The following DNAJC17 variants were observed in gnomAD, a reference collection of about 807,000 sequenced individuals.
The protein encoded by DNAJC17 is dnaJ homolog subfamily C member 17.
In DNAJC17, 35 loss-of-function variants were observed where a neutral mutation model predicts 48.1. The observed-to-expected ratio is 0.73, with a 90% CI of 0.56 to 0.96. The LOEUF is 0.96. DNAJC17 is among the 50% of genes least tolerant of loss of function. The pLI is 0.00. For missense variants in DNAJC17, 355 were observed against 377.1 expected (o/e 0.94, Z 0.48); for synonymous variants, 117 against 142.7 (o/e 0.82, Z 1.28).
At chr15:40,785,353 T>C (rs1376709405) in intron 1 of DNAJC17, among the ~76,000 whole-genome samples, 1 of 152,180 alleles carries the variant, frequency 6.6e-6, no homozygotes, top group African/African-American at 2.4e-5. Context: ...GGCAGCATGG[T>C]TCACTAAAAG....
In DNAJC17 at chr15:40,775,542, C is replaced by T. The variant is rs752359353; in HGVS notation, c.522+11G>A. The T allele has an allele frequency of 1.9e-6, 3 of 1,613,622 alleles. No individual in the cohort carries two copies. The highest frequency in any genetic ancestry group is 4.5e-5 in the East Asian group (2 of 44,886). On this transcript the variant is annotated intron_variant, in intron 7 of 10. Transcript: ENST00000220496. ...AGTGTGAGGTGGCCCACAGATCCTG[C>T]CCAGGCTCACCTTTAGTTTGGGGGT...
intron 1 of DNAJC17, among the ~76,000 whole-genome samples, chr15:40,802,168 ATTTT>A (rs759016627): frequency 7.5e-6 from 1 of 133,998 alleles, no homozygotes; most frequent in Non-Finnish European, 1.6e-5. Context: ...AAAGAGTTCA[ATTTT>A]TTTTTTTTTT....
rs767218189 is a variant in DNAJC17, at chr15:40,770,803, C to G, written c.793-2741G>C. ...ATCCTGGAGCCCCCACCTGCCTACA[C>G]AGCAGCCTACTCTGCCACCCTGCCA... On this transcript the variant is annotated intron_variant, in intron 10 of 10. Coordinates refer to ENST00000220496, the MANE Select transcript of DNAJC17 (RefSeq NM_018163.3). This position sits in a 1 kb window ranked among gnomAD's most constrained non-coding sequence, Gnocchi z 5.0. 7 of 1,549,942 alleles carry G rather than the reference C, an allele frequency of 4.5e-6. No individual in the cohort carries two copies. In the Admixed American group the frequency reaches 1.4e-4, roughly 30 times the overall value.
intron 1 of DNAJC17, among the ~76,000 whole-genome samples, chr15:40,781,811 A>C (rs1359172638): frequency 2.6e-5 from 4 of 151,706 alleles, no homozygotes; most frequent in Non-Finnish European, 5.9e-5. Flanking sequence ...AGTCCCAGCT[A>C]CTCGAGAGGC....
rs1352309156 is a variant in DNAJC17, at chr15:40,806,212, T to A, written c.78+1157A>T. On this transcript the variant is annotated intron_variant, in intron 1 of 10. Coordinates refer to ENST00000220496, the MANE Select transcript of DNAJC17 (RefSeq NM_018163.3). ...TACTGGGACATTAGTGGGCACTATT[T>A]TTTTTTCCTTTTTTTTTTTTTTTTT... is the stretch of plus-strand genomic sequence containing the variant. Among the ~76,000 whole-genome samples, 4 of 143,782 alleles carry A rather than the reference T, an allele frequency of 2.8e-5. No individual in the cohort carries two copies. The Admixed American group carries it at 2.8e-4, about 10-fold the overall frequency. The allele number at this position is 143,782 out of a possible 152,430, so 94.3% of individuals were successfully genotyped here.
Position 40,765,709 on chromosome 15 carries a change from T to A in DNAJC17, c.*2231A>T, listed in dbSNP as rs1208243221. 37 of 469,084 alleles carry A rather than the reference T, an allele frequency of 7.9e-5. No homozygotes were observed. Among genetic ancestry groups the A allele is most frequent in the Non-Finnish European group, 1.6e-5 (4 of 257,230 alleles). 29.1% of individuals were successfully genotyped at this position (469,084 alleles called of 1,614,324 possible). A position where few individuals can be genotyped will look rare whatever the true frequency, so the allele number is the denominator to read the frequency against. ...CTCAGCCCCTAAGAATCCTTGCTAC[T>A]CTCTGTAGCCTTTACCTGAACCTTA... On this transcript the variant is annotated 3_prime_UTR_variant, in exon 11 of 11. Coordinates refer to ENST00000220496, the MANE Select transcript of DNAJC17 (RefSeq NM_018163.3).
At chr15:40,775,621 A>C in intron 6 of DNAJC17, 25 bp from the exon 7 acceptor site, 1 of 1,610,800 alleles carries the variant, frequency 6.2e-7, no homozygotes, top group Non-Finnish European at 8.5e-7. Context: ...AAAAGAAGAA[A>C]AGTAGAATAT....
chr15:40,794,547 C>T (rs887317920), intron 1 of DNAJC17, among the ~76,000 whole-genome samples: 1 of 152,038 alleles, frequency 6.6e-6, no homozygotes, highest in African/African-American at 2.4e-5. Flanking sequence ...TGGTGCACAC[C>T]TGTAAGCCGA....
At chr15:40,786,762 C>A (rs1433679226) in intron 1 of DNAJC17, among the ~76,000 whole-genome samples, 1 of 152,174 alleles carries the variant, frequency 6.6e-6, no homozygotes, top group Non-Finnish European at 1.5e-5. Context: ...TTTCTAAGGC[C>A]CAGCCTCAGA....
At chr15:40,790,518 G>T (rs1044016202) in intron 1 of DNAJC17, among the ~76,000 whole-genome samples, 3 of 152,170 alleles carry the variant, frequency 2.0e-5, no homozygotes, top group African/African-American at 7.2e-5. Context: ...GGCGGAGGTT[G>T]CAGTGAGCCA....
chr15:40,792,400 T>C (rs910415804), intron 1 of DNAJC17: 12 of 940,652 alleles, frequency 1.3e-5, no homozygotes, highest in Middle Eastern at 5.4e-4. Flanking sequence ...GCTTTGAGTC[T>C]TGAAAAACAA....
chr15:40,776,685 G>A lies in DNAJC17; in HGVS notation c.296-58C>T, dbSNP rs370968523. On this transcript the variant is annotated intron_variant, in intron 4 of 10. Transcript: ENST00000220496. ...GTCTGTTCAGTTTCCATGTGGCCTC[G>A]GCCCACCCCAGCTCTGGCTGCCTCC... The A allele has an allele frequency of 2.5e-5, 40 of 1,575,838 alleles. No homozygotes were observed. The African/African-American group carries it at 4.3e-4, about 17-fold the overall frequency.
rs368328456 is a variant in DNAJC17, at chr15:40,767,900, T to A, written c.*40A>T. The A allele has an allele frequency of 5.7e-6, 9 of 1,590,856 alleles. No individual in the cohort carries two copies. Among genetic ancestry groups the A allele is most frequent in the Non-Finnish European group, 6.8e-6 (8 of 1,173,786 alleles). On this transcript the variant is annotated 3_prime_UTR_variant, in exon 11 of 11. Coordinates refer to ENST00000220496, the MANE Select transcript of DNAJC17 (RefSeq NM_018163.3). ...AAAAAAAAAAAATTTATTGGTGACG[T>A]TGAAGAAAAGGGCTGAGGGGTGGAT...
chr15:40,792,470 C>G lies in DNAJC17; in HGVS notation c.79-12473G>C. The G allele has an allele frequency of 1.7e-5, 17 of 985,384 alleles. 1 individual carries two copies. Among genetic ancestry groups the G allele is most frequent in the Non-Finnish European group, 2.0e-5 (17 of 829,912 alleles). 61.0% of individuals were successfully genotyped at this position (985,384 alleles called of 1,614,324 possible). A position where few individuals can be genotyped will look rare whatever the true frequency, so the allele number is the denominator to read the frequency against. On this transcript the variant is annotated intron_variant, in intron 1 of 10. Transcript: ENST00000220496. Reference sequence around the variant, plus strand: ...GTAATTACCTGCCAAGATGAATGAGCTACACACCCTTCAAAGGGCTTCAAA... The same window carrying G: ...GTAATTACCTGCCAAGATGAATGAGGTACACACCCTTCAAAGGGCTTCAAA...
chr15:40,767,279 G>C lies in DNAJC17; in HGVS notation c.*661C>G, dbSNP rs1273954697. ...CGCATAGTCCTGGACAAGCTGGAACGCAGGGGCTTCCGTGTGCTGAGCATG... is the reference window on the plus strand; with the variant it reads ...CGCATAGTCCTGGACAAGCTGGAACCCAGGGGCTTCCGTGTGCTGAGCATG... On this transcript the variant is annotated 3_prime_UTR_variant, in exon 11 of 11. Coordinates refer to ENST00000220496, the MANE Select transcript of DNAJC17 (RefSeq NM_018163.3). 1 of 1,604,094 alleles carries C rather than the reference G, an allele frequency of 6.2e-7. No individual in the cohort carries two copies. The highest frequency in any genetic ancestry group is 1.7e-5 in the Admixed American group (1 of 58,996).
At chr15:40,789,896 A>G (rs1004260097) in intron 1 of DNAJC17, among the ~76,000 whole-genome samples, 2 of 111,768 alleles carry the variant, frequency 1.8e-5, no homozygotes, top group Admixed American at 2.2e-4. Context: ...ACAGAGACAG[A>G]CTGTCTCAAA....
intron 10 of DNAJC17, 112 bp downstream of exon 10, chr15:40,773,615 A>C (rs1357025740): frequency 1.2e-6 from 1 of 800,308 alleles, no homozygotes; most frequent in Non-Finnish European, 2.0e-6. Context: ...GGACCTGCCA[A>C]GCTCACTCTA....
At chr15:40,778,353 A>T (rs1196718526) in intron 4 of DNAJC17, among the ~76,000 whole-genome samples, 1 of 152,126 alleles carries the variant, frequency 6.6e-6, no homozygotes, top group African/African-American at 2.4e-5. Context: ...TCCCGGGTTC[A>T]AGCAATTCTC....
At chr15:40,776,388 T>A (rs1889322197) in intron 5 of DNAJC17, 96 bp from the exon 6 acceptor site, 1 of 1,477,072 alleles carries the variant, frequency 6.8e-7, no homozygotes, top group Admixed American at 1.8e-5. Flanking sequence ...ACCTGCAAGC[T>A]AGGGCTCAGC....
Sources: allele counts gnomAD v4.1 joint callset (sites outside exome capture counted in the v4.1 genomes callset), GRCh38; gene constraint gnomAD v4.1.1; non-coding constraint Gnocchi (gnomAD v3.1); transcripts MANE v1.5; gene names NCBI Gene and HGNC (gene_info 2026-07-23, HGNC 2026-07-21).